The following JAK1 variants were observed in gnomAD, a reference collection of about 807,000 sequenced individuals.
JAK1 encodes the protein tyrosine-protein kinase JAK1.
A neutral mutation model predicts 136.6 loss-of-function variants in JAK1; 16 were observed. That is an observed-to-expected ratio of 0.12 (90% confidence interval 0.08 to 0.18). The LOEUF (loss-of-function observed/expected upper bound fraction) is 0.18, where lower values mean the gene tolerates loss of function less well. JAK1 is among the 10% of genes least tolerant of loss of function. JAK1 has a pLI of 1.00. For synonymous variants in JAK1, 492 were observed against 519.5 expected, an observed-to-expected ratio of 0.95 and a Z score of 0.72; for missense variants, 859 against 1,450.1, an observed-to-expected ratio of 0.59 and a Z score of 6.62.
In JAK1 at chr1:64,867,144, T is replaced by A. The variant is rs894792096; in HGVS notation, c.712A>T (p.Met238Leu). Residue 238 changes from methionine to leucine, a missense_variant, in exon 7 of 25, where the codon ATG (methionine) becomes TTG (leucine). Coordinates refer to ENST00000342505, the MANE Select transcript of JAK1 (RefSeq NM_002227.4). ...TCCTTGAAAACATTATTTATCCGCA[T>A]CCTGGTGAGAAGGTTCCTCTGTCTG... Reference protein sequence around the residue: ...SIRQRNLLTRMRINNVFKDFL... With the variant: ...SIRQRNLLTRLRINNVFKDFL... The A allele has an allele frequency of 6.2e-7, 1 of 1,612,750 alleles. No individual in the cohort carries two copies. Among genetic ancestry groups the A allele is most frequent in the Non-Finnish European group, 8.5e-7 (1 of 1,178,924 alleles).
At chr1:64,899,626 G>C (rs1645074565) in intron 1 of JAK1, among the ~76,000 whole-genome samples, 1 of 152,152 alleles carries the variant, frequency 6.6e-6, no homozygotes, top group African/African-American at 2.4e-5. Flanking sequence ...AATGCTCATT[G>C]GAGGATTTTG....
intron 2 of JAK1, among the ~76,000 whole-genome samples, chr1:64,979,014 G>A (rs533401500): frequency 4.8e-4 from 73 of 152,230 alleles, no homozygotes; most frequent in African/African-American, 1.6e-3. Flanking sequence ...TATTGGCCAC[G>A]AAATCATGTA....
chr1:64,856,786 C>T (rs865890705), intron 10 of JAK1, among the ~76,000 whole-genome samples: 17 of 152,154 alleles, frequency 1.1e-4, no homozygotes, highest in African/African-American at 4.1e-4. Flanking sequence ...CACTTGGCAG[C>T]GCTGGTTCCT....
At chr1:64,835,029 C>T (rs1365089515) in intron 24 of JAK1, among the ~76,000 whole-genome samples, 1 of 152,152 alleles carries the variant, frequency 6.6e-6, no homozygotes, top group South Asian at 2.1e-4. Flanking sequence ...GTATTAAAGG[C>T]TCAATTCACT....
chr1:64,910,136 T>C (rs985822186), intron 1 of JAK1, among the ~76,000 whole-genome samples: 1 of 152,250 alleles, frequency 6.6e-6, no homozygotes, highest in African/African-American at 2.4e-5. Context: ...TTATTTAATC[T>C]TTAACTTAAC....
intron 2 of JAK1, among the ~76,000 whole-genome samples, chr1:65,042,327 C>T (rs1647141220): frequency 6.6e-6 from 1 of 152,022 alleles, no homozygotes; most frequent in South Asian, 2.1e-4. Flanking sequence ...CTGAACCAAT[C>T]TCCCTCAGAT....
intron 2 of JAK1, among the ~76,000 whole-genome samples, chr1:65,019,448 A>C (rs533386): frequency 0.22 from 31,970 of 148,522 alleles, 4,583 homozygotes; most frequent in African/African-American, 0.38. Context: ...GAGAGAACCC[A>C]TATGACCCCC....
chr1:64,897,810 T>G (rs1645046856), intron 1 of JAK1, among the ~76,000 whole-genome samples: 1 of 151,504 alleles, frequency 6.6e-6, no homozygotes, highest in Non-Finnish European at 1.5e-5. Context: ...CTACGTGGGG[T>G]GGGGGTTCTC....
At chr1:64,941,466 G>T (rs192313181) in intron 1 of JAK1, among the ~76,000 whole-genome samples, 2 of 152,198 alleles carry the variant, frequency 1.3e-5, no homozygotes, top group Admixed American at 1.3e-4. Context: ...AAACAAAGAT[G>T]ATTTATCTTG....
chr1:65,036,879 A>T (rs928578860), intron 2 of JAK1, among the ~76,000 whole-genome samples: 4 of 152,358 alleles, frequency 2.6e-5, no homozygotes, highest in African/African-American at 9.6e-5. Flanking sequence ...TTAAAAAATA[A>T]ATACATGCTT....
chr1:64,992,896 C>CAACAAA, intron 2 of JAK1: 1 of 70,516 alleles, frequency 1.4e-5, no homozygotes, highest in South Asian at 4.8e-4. Context: ...GATTCTGTCT[C>CAACAAA]AAAAAAAAAA....
At chr1:64,951,429 A>G (rs1383929740) in intron 1 of JAK1, among the ~76,000 whole-genome samples, 1 of 152,186 alleles carries the variant, frequency 6.6e-6, no homozygotes, top group Non-Finnish European at 1.5e-5. Context: ...GGACTAAATA[A>G]GTCTCTTCAC....
chr1:65,062,298 C>T (rs562348505), intron 1 of JAK1, among the ~76,000 whole-genome samples: 5 of 152,302 alleles, frequency 3.3e-5, no homozygotes, highest in South Asian at 4.1e-4. Context: ...TCTCACCCCC[C>T]GGATTTTAGA....
At chr1:65,067,271 G>A (rs1009376305) in intron 1 of JAK1, among the ~76,000 whole-genome samples, 6 of 150,272 alleles carry the variant, frequency 4.0e-5, no homozygotes, top group African/African-American at 1.5e-4. Flanking sequence ...TCGGCCCCCG[G>A]CGCCGCCTGG....
At chr1:64,991,180 G>T (rs1646653801) in intron 2 of JAK1, 1 of 152,174 alleles carries the variant, frequency 6.6e-6, no homozygotes, top group African/African-American at 2.4e-5. Flanking sequence ...GAGCAGAAAA[G>T]TAGTAGAATA....
At chr1:64,953,220 T>C (rs75213967) in intron 1 of JAK1, among the ~76,000 whole-genome samples, 7,516 of 152,302 alleles carry the variant, frequency 0.049, 397 homozygotes, top group East Asian at 0.26. Context: ...AGTGGGTAAC[T>C]TTCGTTAAAT....
chr1:64,869,939 G>A lies in JAK1; in HGVS notation c.484-465C>T, dbSNP rs138251753. 2.0e-3 allele frequency among the ~76,000 whole-genome samples: 306 copies of A among 152,206 alleles called. 2 individuals carry two copies. Among genetic ancestry groups the A allele is most frequent in the Non-Finnish European group, 3.5e-3 (235 of 68,010 alleles). On this transcript the variant is annotated intron_variant, in intron 5 of 24. Coordinates refer to ENST00000342505, the MANE Select transcript of JAK1 (RefSeq NM_002227.4). ...AGCTCTAGGGAAAGGGGAACGTTCCGCAGTGCATCATCACCACATGTACAT... is the reference window on the plus strand; with the variant it reads ...AGCTCTAGGGAAAGGGGAACGTTCCACAGTGCATCATCACCACATGTACAT...
intron 2 of JAK1, among the ~76,000 whole-genome samples, chr1:65,002,138 C>T (rs1646764126): frequency 6.6e-6 from 1 of 152,170 alleles, no homozygotes; most frequent in African/African-American, 2.4e-5. Context: ...TGTATGTATA[C>T]ACAAACACAC....
intron 2 of JAK1, among the ~76,000 whole-genome samples, chr1:65,026,679 G>T (rs1422291694): frequency 6.6e-6 from 1 of 152,176 alleles, no homozygotes; most frequent in African/African-American, 2.4e-5. Context: ...AAATAAGAAG[G>T]TTTGGCCAGG....
Sources: gnomAD v4.1 joint callset for allele counts (sites outside exome capture counted in the v4.1 genomes callset) on GRCh38, gnomAD v4.1.1 for gene constraint, MANE v1.5 for transcripts, NCBI Gene and HGNC (gene_info 2026-07-23, HGNC 2026-07-21) for gene names.